The following CLASP2 variants were observed in gnomAD, a reference collection of about 807,000 sequenced individuals.
CLASP2 encodes the protein CLIP-associating protein 2.
Under a neutral mutation model 194.4 loss-of-function variants are expected in CLASP2, and 47 were observed. That is an observed-to-expected ratio of 0.24 (90% confidence interval 0.19 to 0.31). The LOEUF (loss-of-function observed/expected upper bound fraction) is 0.31, where lower values mean the gene tolerates loss of function less well. Among genes scored for constraint, CLASP2 ranks in the 10% least tolerant of loss-of-function variants. The pLI is 1.00. For missense variants in CLASP2, 1,445 were observed against 1,823.6 expected (o/e 0.79, Z 3.78); for synonymous variants, 619 against 633.5 (o/e 0.98, Z 0.34).
chr3:33,534,614 G>A (rs912753885), intron 34 of CLASP2, among the ~76,000 whole-genome samples: 2 of 152,064 alleles, frequency 1.3e-5, no homozygotes, highest in Non-Finnish European at 2.9e-5. Flanking sequence ...TATATCATCA[G>A]TTTTTATACA....
chr3:33,512,982 C>A (rs1006157840), intron 36 of CLASP2, among the ~76,000 whole-genome samples: 3 of 152,020 alleles, frequency 2.0e-5, no homozygotes, highest in Non-Finnish European at 4.4e-5. Flanking sequence ...CAGAGTGAGA[C>A]TCCGTCTAAA....
intron 6 of CLASP2, among the ~76,000 whole-genome samples, chr3:33,671,501 C>A (rs1173361471): frequency 6.6e-6 from 1 of 152,114 alleles, no homozygotes; most frequent in Non-Finnish European, 1.5e-5. Flanking sequence ...TCTACAGCTC[C>A]CAGCGTGAGA....
At chr3:33,702,181 C>T (rs2092420567) in intron 1 of CLASP2, among the ~76,000 whole-genome samples, 1 of 152,108 alleles carries the variant, frequency 6.6e-6, no homozygotes, top group South Asian at 2.1e-4. Context: ...ATTGTCAAAA[C>T]AAGCTTGAAA....
At chr3:33,621,388 T>C (rs534968110) in intron 11 of CLASP2, among the ~76,000 whole-genome samples, 4 of 152,284 alleles carry the variant, frequency 2.6e-5, no homozygotes, top group Admixed American at 2.0e-4. Flanking sequence ...GTTGGAGATA[T>C]TGGGTCATTT....
intron 28 of CLASP2, among the ~76,000 whole-genome samples, chr3:33,559,802 G>A (rs2061513380): frequency 6.6e-6 from 1 of 152,098 alleles, no homozygotes; most frequent in African/African-American, 2.4e-5. Context: ...GCTGAGGCAG[G>A]AGAATCGCTT....
intron 27 of CLASP2, chr3:33,564,045 A>G: frequency 7.4e-6 from 3 of 404,094 alleles, no homozygotes; most frequent in South Asian, 5.6e-5. Flanking sequence ...CCTGACTTAG[A>G]ACTCACAGAG....
At chr3:33,669,520 A>G (rs1361946090) in intron 6 of CLASP2, among the ~76,000 whole-genome samples, 1 of 152,104 alleles carries the variant, frequency 6.6e-6, no homozygotes, top group Admixed American at 6.5e-5. Context: ...AGCATTGACA[A>G]TGGCTTGTAT....
chr3:33,707,145 T>C (rs981482903), intron 1 of CLASP2, among the ~76,000 whole-genome samples: 5 of 152,130 alleles, frequency 3.3e-5, no homozygotes, highest in African/African-American at 9.7e-5. Context: ...CATTCCCCAG[T>C]TGGAGCAGGA....
At chr3:33,711,764 A>G (rs754658466) in intron 1 of CLASP2, among the ~76,000 whole-genome samples, 7 of 152,188 alleles carry the variant, frequency 4.6e-5, no homozygotes, top group Non-Finnish European at 1.0e-4. Context: ...GCCAACAAAC[A>G]TATGAAAAAA....
intron 37 of CLASP2, chr3:33,505,272 A>G (rs1400873312): frequency 7.0e-6 from 1 of 143,850 alleles, no homozygotes; most frequent in Non-Finnish European, 1.5e-5. Flanking sequence ...ACAACAAAAC[A>G]TAACCACAAT....
At chr3:33,643,469 A>C (rs1206056594) in intron 8 of CLASP2, among the ~76,000 whole-genome samples, 2 of 151,988 alleles carry the variant, frequency 1.3e-5, no homozygotes, top group Non-Finnish European at 2.9e-5. Context: ...ATGGGATATC[A>C]TAACTAACAT....
intron 7 of CLASP2, chr3:33,659,169 TA>T: frequency 2.2e-6 from 3 of 1,381,862 alleles, no homozygotes; most frequent in Non-Finnish European, 2.8e-6. Flanking sequence ...CACTTCAAAA[TA>T]AAAGTCTGGG....
chr3:33,614,500 G>A (rs2075759783), intron 12 of CLASP2, among the ~76,000 whole-genome samples: 1 of 152,132 alleles, frequency 6.6e-6, no homozygotes, highest in African/African-American at 2.4e-5. Flanking sequence ...TATAAGAATA[G>A]TATTAGTGAA....
At chr3:33,552,546 A>T (rs925922299) in intron 29 of CLASP2, among the ~76,000 whole-genome samples, 1 of 152,164 alleles carries the variant, frequency 6.6e-6, no homozygotes, top group Non-Finnish European at 1.5e-5. Context: ...TGGTGAGAAC[A>T]CTTAAAATCT....
At chr3:33,501,127 A>G (rs2046754708) in intron 38 of CLASP2, among the ~76,000 whole-genome samples, 1 of 152,234 alleles carries the variant, frequency 6.6e-6, no homozygotes, top group African/African-American at 2.4e-5. Context: ...TTAAGTCTGA[A>G]CAATGAATTA....
intron 5 of CLASP2, 85 bp downstream of exon 5, chr3:33,686,971 CTCTT>C (rs1459250521): frequency 2.8e-6 from 2 of 719,128 alleles, no homozygotes; most frequent in Admixed American, 3.3e-5. Context: ...TCCACCCTCT[CTCTT>C]CTTTTTTAAA....
chr3:33,698,668 A>G (rs2092146028), intron 1 of CLASP2, among the ~76,000 whole-genome samples: 1 of 152,250 alleles, frequency 6.6e-6, no homozygotes. Flanking sequence ...AAGCAACTAT[A>G]GCAATCATAA....
At chr3:33,674,595 C>G (rs2154339837) in intron 6 of CLASP2, among the ~76,000 whole-genome samples, 1 of 152,078 alleles carries the variant, frequency 6.6e-6, no homozygotes, top group South Asian at 2.1e-4. Flanking sequence ...CAGAGCAAAA[C>G]TGAAGGAAAT....
intron 1 of CLASP2, among the ~76,000 whole-genome samples, chr3:33,703,609 G>A (rs576236631): frequency 8.5e-5 from 13 of 152,362 alleles, no homozygotes; most frequent in African/African-American, 2.9e-4. Context: ...AGCCAAAGGA[G>A]TTGAAAATTG....
Sources: allele counts gnomAD v4.1 joint callset (sites outside exome capture counted in the v4.1 genomes callset), GRCh38; gene constraint gnomAD v4.1.1; transcripts MANE v1.5; gene names NCBI Gene and HGNC (gene_info 2026-07-23, HGNC 2026-07-21).